STAC: variants seen among roughly 807,000 people sequenced by gnomAD.
The protein encoded by STAC is SH3 and cysteine rich domain.
STAC carries 43 observed loss-of-function variants against 48.8 expected under a neutral mutation model. The observed-to-expected ratio is 0.88, with a 90% CI of 0.69 to 1.14. The LOEUF (loss-of-function observed/expected upper bound fraction) is 1.14, where lower values mean the gene tolerates loss of function less well. Ranked by LOEUF, STAC falls within the 50% of genes most tolerant of loss-of-function variation. STAC has a pLI of 0.00. For missense variants in STAC, 497 were observed against 504.0 expected (o/e 0.99, Z 0.13); for synonymous variants, 193 against 179.5 (o/e 1.07, Z -0.60).
At chr3:36,505,206 G>C (rs1698371826) in intron 7 of STAC, among the ~76,000 whole-genome samples, 1 of 152,046 alleles carries the variant, frequency 6.6e-6, no homozygotes, top group Non-Finnish European at 1.5e-5. Flanking sequence ...AGGTTTCATT[G>C]CCAATAGATG....
chr3:36,489,036 A>AC (rs1186453885), intron 5 of STAC, among the ~76,000 whole-genome samples: 2 of 152,124 alleles, frequency 1.3e-5, no homozygotes, highest in African/African-American at 4.8e-5. Context: ...ATTTTTTAAG[A>AC]CCCACTCTAT....
chr3:36,528,514 GT>G (rs1559526539), intron 8 of STAC, among the ~76,000 whole-genome samples, 181 bp from the exon 9 acceptor site: 1 of 151,350 alleles, frequency 6.6e-6, no homozygotes, highest in Non-Finnish European at 1.5e-5. Flanking sequence ...ATAAAATCAT[GT>G]TTGCCTTCAA....
rs1391459939 is a variant in STAC at position 36,505,970 on chromosome 3, C to T, written c.920+136C>T. ...TCAAACTTTAGCATGTATCTAATGA[C>T]CTGCAAGGCTGGTTAACACACAGGC... On this transcript the variant is annotated intron_variant, in intron 8 of 10. Coordinates refer to ENST00000273183, the MANE Select transcript of STAC (RefSeq NM_003149.3). The T allele has an allele frequency of 2.3e-5, 13 of 574,592 alleles. 1 individual carries two copies. The highest frequency in any genetic ancestry group is 1.3e-4 in the East Asian group (4 of 31,668). The allele number at this position is 574,592 out of a possible 1,614,324, so 35.6% of individuals were successfully genotyped here.
chr3:36,481,810 T>C (rs1438462494), intron 2 of STAC, among the ~76,000 whole-genome samples: 1 of 152,200 alleles, frequency 6.6e-6, no homozygotes, highest in African/African-American at 2.4e-5. Flanking sequence ...TTATTTTTAG[T>C]TTTTTCCAAG....
intron 8 of STAC, among the ~76,000 whole-genome samples, chr3:36,513,590 C>T (rs1473593560): frequency 2.6e-5 from 4 of 152,122 alleles, no homozygotes; most frequent in Non-Finnish European, 5.9e-5. Context: ...TGGAGTCACA[C>T]AGAATGATTC....
intron 6 of STAC, among the ~76,000 whole-genome samples, chr3:36,503,292 T>C (rs1175544786): frequency 6.6e-6 from 1 of 152,152 alleles, no homozygotes; most frequent in East Asian, 1.9e-4. Flanking sequence ...GATAAAGCTA[T>C]GACATAAGTT....
At chr3:36,441,416 A>G (rs1696346492) in intron 1 of STAC, among the ~76,000 whole-genome samples, 1 of 152,174 alleles carries the variant, frequency 6.6e-6, no homozygotes, top group Admixed American at 6.5e-5. Flanking sequence ...GCCACAAATG[A>G]CAGAGTTTCA....
chr3:36,493,729 A>C (rs576599016), intron 6 of STAC, among the ~76,000 whole-genome samples: 17 of 152,300 alleles, frequency 1.1e-4, no homozygotes, highest in Admixed American at 3.9e-4. Context: ...CAAAAAACTG[A>C]TATGTACAAT....
chr3:36,540,480 T>C (rs1357701216), intron 10 of STAC, among the ~76,000 whole-genome samples: 1 of 152,084 alleles, frequency 6.6e-6, no homozygotes, highest in Non-Finnish European at 1.5e-5. Flanking sequence ...GAGAAATGTA[T>C]CTGGCTAGAG....
At chr3:36,429,561 C>A (rs1340555574) in intron 1 of STAC, among the ~76,000 whole-genome samples, 1 of 152,176 alleles carries the variant, frequency 6.6e-6, no homozygotes, top group East Asian at 1.9e-4. Flanking sequence ...GCTTCCTCCC[C>A]TTGCATGTCC....
intron 1 of STAC, among the ~76,000 whole-genome samples, chr3:36,440,297 A>T (rs1458926928): frequency 6.6e-6 from 1 of 152,236 alleles, no homozygotes; most frequent in Non-Finnish European, 1.5e-5. Flanking sequence ...CACGCAATAG[A>T]TACCTAATTT....
At chr3:36,385,555 T>C (rs1699598426) in intron 1 of STAC, among the ~76,000 whole-genome samples, 1 of 146,384 alleles carries the variant, frequency 6.8e-6, no homozygotes, top group African/African-American at 2.4e-5. Context: ...TAAAAGTTTA[T>C]AGCTTGATGA....
At chr3:36,501,237 T>C (rs1254264780) in intron 6 of STAC, among the ~76,000 whole-genome samples, 1 of 152,168 alleles carries the variant, frequency 6.6e-6, no homozygotes, top group Non-Finnish European at 1.5e-5. Context: ...AGCTTTAAAA[T>C]GAGTGTTAAA....
intron 1 of STAC, among the ~76,000 whole-genome samples, chr3:36,381,769 G>T (rs1342213465): frequency 2.6e-5 from 4 of 152,142 alleles, no homozygotes; most frequent in African/African-American, 9.7e-5. Flanking sequence ...AGCCTGAGTG[G>T]CTCTGGGGAT....
chr3:36,414,581 C>CT (rs1419915280), intron 1 of STAC, among the ~76,000 whole-genome samples: 5 of 152,104 alleles, frequency 3.3e-5, no homozygotes, highest in Admixed American at 1.3e-4. Flanking sequence ...TTCATCTAAT[C>CT]TTTTTTCAAG....
chr3:36,403,730 G>A (rs558714380), intron 1 of STAC, among the ~76,000 whole-genome samples: 1 of 151,918 alleles, frequency 6.6e-6, no homozygotes, highest in Non-Finnish European at 1.5e-5. Context: ...TAAGAAACAG[G>A]TGACCTTATC....
At chr3:36,408,068 A>G (rs951979305) in intron 1 of STAC, among the ~76,000 whole-genome samples, 4 of 152,238 alleles carry the variant, frequency 2.6e-5, no homozygotes, top group African/African-American at 9.6e-5. Context: ...CTCACAACCT[A>G]GAAGCTTACT....
chr3:36,392,865 G>C (rs995817618), intron 1 of STAC, among the ~76,000 whole-genome samples: 2 of 152,170 alleles, frequency 1.3e-5, no homozygotes, highest in Non-Finnish European at 2.9e-5. Flanking sequence ...ATCTGCTAGA[G>C]CCAGGCCTAC....
chr3:36,483,822 G>C (rs1697724780), intron 3 of STAC, among the ~76,000 whole-genome samples: 1 of 152,204 alleles, frequency 6.6e-6, no homozygotes, highest in Non-Finnish European at 1.5e-5. Context: ...GTGGTGGTGT[G>C]TGCCTGTAGT....
Sources: allele counts gnomAD v4.1 joint callset (sites outside exome capture counted in the v4.1 genomes callset), GRCh38; gene constraint gnomAD v4.1.1; transcripts MANE v1.5; gene names NCBI Gene and HGNC (gene_info 2026-07-23, HGNC 2026-07-21).